The following UMAD1 variants were observed in gnomAD, a reference collection of about 807,000 sequenced individuals.
The protein encoded by UMAD1 is UBAP1-MVB12-associated (UMA)-domain containing protein 1.
UMAD1 carries 8 observed loss-of-function variants against 6.1 expected under a neutral mutation model. That is an observed-to-expected ratio of 1.30 (90% confidence interval 0.76 to 2.35). The LOEUF is 2.35. UMAD1 is among the 30% of genes most tolerant of loss of function. The pLI is 0.00. For missense variants in UMAD1, 130 were observed against 78.4 expected, an observed-to-expected ratio of 1.66 and a Z score of -2.49; for synonymous variants, 56 against 31.4, an observed-to-expected ratio of 1.78 and a Z score of -2.61.
At chr7:7,789,195 T>C (rs1459573394) in intron 2 of UMAD1, among the ~76,000 whole-genome samples, 1 of 152,196 alleles carries the variant, frequency 6.6e-6, no homozygotes, top group Non-Finnish European at 1.5e-5. Context: ...GCATAGTAGC[T>C]GGGCAGGTGG....
chr7:7,843,515 G>T (rs1353270147), intron 3 of UMAD1, among the ~76,000 whole-genome samples: 1 of 152,094 alleles, frequency 6.6e-6, no homozygotes, highest in Non-Finnish European at 1.5e-5. Flanking sequence ...AATAATATTC[G>T]TATTCTAACA....
intron 3 of UMAD1, among the ~76,000 whole-genome samples, chr7:7,834,823 G>T (rs1344643119): frequency 1.3e-5 from 2 of 152,140 alleles, no homozygotes; most frequent in Non-Finnish European, 2.9e-5. Flanking sequence ...TACACAATTA[G>T]TCCATAGCAG....
At chr7:7,702,169 T>C (rs1242613841) in intron 2 of UMAD1, among the ~76,000 whole-genome samples, 1 of 152,198 alleles carries the variant, frequency 6.6e-6, no homozygotes, top group African/African-American at 2.4e-5. Flanking sequence ...ATGATAGTCA[T>C]AGCTTGTCTT....
intron 1 of UMAD1, among the ~76,000 whole-genome samples, chr7:7,651,500 T>TGCGTCCTGTCCATATTATTTTCCC (rs1214727967): frequency 2.6e-5 from 4 of 152,258 alleles, no homozygotes; most frequent in African/African-American, 9.6e-5. Context: ...CGTATTTTCC[T>TGCGTCCTGTCCATATTATTTTCCC]GCCTCCTGTC....
At chr7:7,646,505 T>TTA (rs1262960426) in intron 1 of UMAD1, among the ~76,000 whole-genome samples, 195 of 136,922 alleles carry the variant, frequency 1.4e-3, no homozygotes, top group Non-Finnish European at 1.3e-3. Context: ...TTTTTTTTTT[T>TTA]AATTCTCTCG....
At chr7:7,718,977 T>C (rs1780987722) in intron 2 of UMAD1, among the ~76,000 whole-genome samples, 1 of 151,150 alleles carries the variant, frequency 6.6e-6, no homozygotes, top group Admixed American at 6.6e-5. Context: ...CCTTAGAATT[T>C]GCTCATATAT....
At chr7:7,856,304 G>A (rs1784016602) in intron 3 of UMAD1, among the ~76,000 whole-genome samples, 1 of 152,216 alleles carries the variant, frequency 6.6e-6, no homozygotes, top group Non-Finnish European at 1.5e-5. Context: ...TTGACTCACA[G>A]ATCTGCATGG....
At chr7:7,826,310 C>G (rs1783340551) in intron 3 of UMAD1, among the ~76,000 whole-genome samples, 1 of 152,076 alleles carries the variant, frequency 6.6e-6, no homozygotes, top group East Asian at 1.9e-4. Context: ...TTTTCTCTTT[C>G]TGCATCACCA....
chr7:7,831,755 T>C (rs1482624960), intron 3 of UMAD1, among the ~76,000 whole-genome samples: 2 of 152,184 alleles, frequency 1.3e-5, no homozygotes, highest in African/African-American at 2.4e-5. Context: ...GATTAATTAA[T>C]GTTTGTAAAG....
At chr7:7,740,548 C>T (rs545834356) in intron 2 of UMAD1, 1 of 152,134 alleles carries the variant, frequency 6.6e-6, no homozygotes, top group Non-Finnish European at 1.5e-5. Context: ...TGCTTTTCTT[C>T]TAGAATTTTG....
intron 2 of UMAD1, among the ~76,000 whole-genome samples, chr7:7,775,813 A>G (rs1782193788): frequency 6.6e-6 from 1 of 152,162 alleles, no homozygotes. Flanking sequence ...TACTCAGGAG[A>G]AATGAAAAAA....
chr7:7,663,382 C>G (rs59631588), intron 1 of UMAD1, among the ~76,000 whole-genome samples: 42,845 of 151,868 alleles, frequency 0.28, 7,697 homozygotes, highest in East Asian at 0.7. Context: ...AGTTTCCAAG[C>G]TGTTCTGTGG....
At chr7:7,852,129 T>C (rs2115325085) in intron 3 of UMAD1, among the ~76,000 whole-genome samples, 1 of 152,314 alleles carries the variant, frequency 6.6e-6, no homozygotes, top group South Asian at 2.1e-4. Context: ...AAAAAGACTA[T>C]TCTTTCCACA....
chr7:7,837,286 T>A (rs944753585), intron 3 of UMAD1, among the ~76,000 whole-genome samples: 1 of 151,990 alleles, frequency 6.6e-6, no homozygotes, highest in Non-Finnish European at 1.5e-5. Flanking sequence ...AGCAAGAGAC[T>A]CTCTCTAAAG....
At chr7:7,802,750 G>A (rs926568524) in intron 3 of UMAD1, among the ~76,000 whole-genome samples, 3 of 152,190 alleles carry the variant, frequency 2.0e-5, no homozygotes, top group Admixed American at 6.5e-5. Context: ...GACCTGGCCA[G>A]TGTGATTCAC....
At chr7:7,834,132 C>G (rs1004699153) in intron 3 of UMAD1, among the ~76,000 whole-genome samples, 2 of 150,210 alleles carry the variant, frequency 1.3e-5, no homozygotes, top group African/African-American at 4.9e-5. Context: ...AGTGATTCTC[C>G]TGCCTCAGCT....
chr7:7,705,635 G>A (rs1348598712), intron 2 of UMAD1, among the ~76,000 whole-genome samples: 3 of 152,052 alleles, frequency 2.0e-5, no homozygotes, highest in Non-Finnish European at 2.9e-5. Context: ...TGAAACAGTC[G>A]AACTTATTTA....
In UMAD1 at chr7:7,878,741, A is replaced by G. The variant is rs1784472680; in HGVS notation, c.*1203A>G. The G allele has an allele frequency of 1.3e-5, 2 of 152,224 alleles. No individual in the cohort carries two copies. Among genetic ancestry groups the G allele is most frequent in the South Asian group, 2.1e-4 (1 of 4,832 alleles). The allele number at this position is 152,224 out of a possible 1,614,324, so 9.4% of individuals were successfully genotyped here. On this transcript the variant is annotated 3_prime_UTR_variant, in exon 4 of 4. Transcript: ENST00000682710. The stretch of plus-strand genomic sequence containing the variant: ...AAACACTGTGCATAAAGGTACATGA[A>G]TTATTCCAGTTTTAAAGTATTATGC...
At position 7,665,014 on chromosome 7, in the gene UMAD1, T is replaced by TATAC. The variant is rs1554311665; in HGVS notation, c.-63-8294_-63-8293insTACA. On this transcript the variant is annotated intron_variant, in intron 1 of 3. Transcript: ENST00000682710. ...TGGGTGATATATAGATATATATATA[T>TATAC]ACACACACACACACATTCATACACA... Among the ~76,000 whole-genome samples the TATAC allele has an allele frequency of 1.8e-3, 271 of 148,054 alleles. 1 individual carries two copies. The highest frequency in any genetic ancestry group is 6.0e-3 in the African/African-American group (249 of 41,190).
Sources: allele counts gnomAD v4.1 joint callset (sites outside exome capture counted in the v4.1 genomes callset), GRCh38; gene constraint gnomAD v4.1.1; transcripts MANE v1.5; gene names NCBI Gene and HGNC (gene_info 2026-07-23, HGNC 2026-07-21).